The following ADCY8 variants were observed in gnomAD, a reference collection of about 807,000 sequenced individuals.
The protein encoded by ADCY8 is adenylate cyclase type 8.
A neutral mutation model predicts 119.7 loss-of-function variants in ADCY8; 51 were observed. That is an observed-to-expected ratio of 0.43 (90% CI 0.34 to 0.54). The LOEUF (loss-of-function observed/expected upper bound fraction) is 0.54. Among genes scored for constraint, ADCY8 ranks in the 20% least tolerant of loss-of-function variants. The pLI is 0.03. For synonymous variants in ADCY8, 665 were observed against 651.0 expected (o/e 1.02, Z -0.33); for missense variants, 1,383 against 1,598.8 (o/e 0.87, Z 2.30).
At chr8:130,901,614 A>T (rs1402466628) in intron 7 of ADCY8, among the ~76,000 whole-genome samples, 2 of 152,212 alleles carry the variant, frequency 1.3e-5, no homozygotes, top group African/African-American at 4.8e-5. Flanking sequence ...TCTGAATTGC[A>T]CATATGGCTC....
intron 2 of ADCY8, among the ~76,000 whole-genome samples, chr8:130,964,072 C>A (rs534417304): frequency 7.2e-5 from 11 of 152,314 alleles, no homozygotes; most frequent in Middle Eastern, 3.4e-3. Context: ...GACACTACCT[C>A]CATGAAGTTC....
chr8:130,899,376 C>T (rs1457968155), intron 7 of ADCY8, among the ~76,000 whole-genome samples: 2 of 152,098 alleles, frequency 1.3e-5, no homozygotes, highest in African/African-American at 2.4e-5. Flanking sequence ...GAGTCTGAGG[C>T]GAGTGCATCA....
intron 7 of ADCY8, among the ~76,000 whole-genome samples, chr8:130,891,829 T>C (rs1334237111): frequency 6.6e-6 from 1 of 152,034 alleles, no homozygotes; most frequent in Non-Finnish European, 1.5e-5. Context: ...GGAGTGGAGG[T>C]GCTAGTGAAT....
At chr8:130,962,260 T>A (rs1322304624) in intron 2 of ADCY8, among the ~76,000 whole-genome samples, 3 of 152,180 alleles carry the variant, frequency 2.0e-5, no homozygotes, top group African/African-American at 7.2e-5. Flanking sequence ...CTGAGAAACA[T>A]CATTTAAATT....
chr8:130,836,156 A>G, intron 12 of ADCY8, 121 bp downstream of exon 12: 5 of 1,122,598 alleles, frequency 4.5e-6, no homozygotes, highest in Non-Finnish European at 6.3e-6. Context: ...CTGATTTGAG[A>G]TATAAGTCAA....
At chr8:130,942,131 C>G (rs1460752422) in intron 4 of ADCY8, among the ~76,000 whole-genome samples, 1 of 152,142 alleles carries the variant, frequency 6.6e-6, no homozygotes, top group Non-Finnish European at 1.5e-5. Context: ...TGTAATTGTA[C>G]CTTTTATAGG....
chr8:130,884,339 T>G (rs1186681089), intron 8 of ADCY8, among the ~76,000 whole-genome samples: 1 of 152,198 alleles, frequency 6.6e-6, no homozygotes, highest in Non-Finnish European at 1.5e-5. Context: ...AGTCTTCTTT[T>G]CCTTAAAGAG....
At chr8:130,940,034 A>T (rs772060668) in intron 4 of ADCY8, among the ~76,000 whole-genome samples, 8 of 152,182 alleles carry the variant, frequency 5.3e-5, no homozygotes, top group Non-Finnish European at 1.0e-4. Flanking sequence ...GCACTTTGGC[A>T]AAAATCTAAG....
At position 131,039,550 on chromosome 8, in the gene ADCY8, G is replaced by C. The variant is rs1824286776; in HGVS notation, c.784C>G (p.Leu262Val). ...CCGTCGCCCAGGAGCCCGTAGCCGA[G>C]GCCTGCTGCCAGGATCTGGGTGGTC... ...AMTTQILAAG[L>V]GYGLLGDGIG... is the part of the protein sequence containing the mutation. Residue 262 changes from leucine (L) to valine (V), a missense_variant, in exon 1 of 18, where the codon CTC becomes GTC. Transcript: ENST00000286355. The C allele has an allele frequency of 3.7e-6, 6 of 1,613,718 alleles. No individual in the cohort carries two copies. The highest frequency in any genetic ancestry group is 3.3e-5 in the Admixed American group (2 of 60,002).
At chr8:131,033,524 T>C (rs1049144513) in intron 1 of ADCY8, among the ~76,000 whole-genome samples, 1 of 152,156 alleles carries the variant, frequency 6.6e-6, no homozygotes, top group Non-Finnish European at 1.5e-5. Flanking sequence ...AATTATGCTC[T>C]GACCTGCTGA....
At chr8:130,911,989 C>G (rs1586563867) in intron 5 of ADCY8, among the ~76,000 whole-genome samples, 1 of 152,174 alleles carries the variant, frequency 6.6e-6, no homozygotes, top group Non-Finnish European at 1.5e-5. Flanking sequence ...ATCCAAACAA[C>G]AAGTCATTGT....
intron 12 of ADCY8, among the ~76,000 whole-genome samples, chr8:130,823,285 A>G (rs1350920877): frequency 6.6e-6 from 1 of 152,226 alleles, no homozygotes; most frequent in Admixed American, 6.5e-5. Context: ...TGCAGATGGA[A>G]AAAACAGCCT....
intron 7 of ADCY8, among the ~76,000 whole-genome samples, chr8:130,898,863 T>A (rs1819498136): frequency 6.6e-6 from 1 of 152,234 alleles, no homozygotes; most frequent in Non-Finnish European, 1.5e-5. Flanking sequence ...AGTCTACTCT[T>A]GTCCCGACAG....
chr8:130,935,751 A>G (rs1820764338), intron 5 of ADCY8, among the ~76,000 whole-genome samples: 1 of 152,184 alleles, frequency 6.6e-6, no homozygotes, highest in South Asian at 2.1e-4. Context: ...GTTTTTCCTC[A>G]TGGTAGCTTC....
At chr8:131,015,602 A>G (rs1823447069) in intron 1 of ADCY8, among the ~76,000 whole-genome samples, 1 of 152,202 alleles carries the variant, frequency 6.6e-6, no homozygotes, top group Non-Finnish European at 1.5e-5. Flanking sequence ...TGGCTATTTT[A>G]TCTCTAAACA....
rs1175338425 is a variant in ADCY8 at position 131,040,555 on chromosome 8, G to A, written c.-222C>T. ...GATCGCGGCGGACCTCGGCGTCCTT[G>A]CGTGCTGCTCTCCCGCCAGCCGGCG... On this transcript the variant is annotated 5_prime_UTR_variant, in exon 1 of 18. Coordinates refer to ENST00000286355, the MANE Select transcript of ADCY8 (RefSeq NM_001115.3). The A allele has an allele frequency of 4.6e-6, 2 of 435,430 alleles. No individual in the cohort carries two copies. The highest frequency in any genetic ancestry group is 7.7e-6 in the Non-Finnish European group (2 of 259,802). 27.0% of individuals were successfully genotyped at this position (435,430 alleles called of 1,614,324 possible). A position where few individuals can be genotyped will look rare whatever the true frequency, so the allele number is the denominator to read the frequency against.
At chr8:130,887,488 C>G (rs184339644) in intron 7 of ADCY8, among the ~76,000 whole-genome samples, 3 of 152,086 alleles carry the variant, frequency 2.0e-5, no homozygotes, top group African/African-American at 7.2e-5. Flanking sequence ...AAGTGTTTTC[C>G]TAGCATTTTA....
intron 9 of ADCY8, among the ~76,000 whole-genome samples, chr8:130,854,036 C>A (rs1329558259): frequency 1.3e-5 from 2 of 152,178 alleles, no homozygotes; most frequent in Non-Finnish European, 2.9e-5. Context: ...CTTTAAAGTT[C>A]TATGGCAAGG....
rs1414742534 is a variant in ADCY8, at chr8:130,918,150, T to C, written c.1482-8284A>G. On this transcript the variant is annotated intron_variant, in intron 5 of 17. Transcript: ENST00000286355. ...GGGTCTTAATCAACTCAGGCTGCCA[T>C]AACAAAATTTATAGACTGGATGGCA... is the stretch of plus-strand genomic sequence containing the variant. Among the ~76,000 whole-genome samples the C allele has an allele frequency of 2.6e-5, 4 of 152,350 alleles. No homozygotes were observed. In the East Asian group the frequency reaches 7.7e-4, roughly 29 times the overall value.
Sources: gnomAD v4.1 joint callset for allele counts (sites outside exome capture counted in the v4.1 genomes callset) on GRCh38, gnomAD v4.1.1 for gene constraint, MANE v1.5 for transcripts, NCBI Gene and HGNC (gene_info 2026-07-23, HGNC 2026-07-21) for gene names.